The following PPP1R12A variants were observed in gnomAD, a reference collection of about 807,000 sequenced individuals.
PPP1R12A encodes the protein protein phosphatase 1 regulatory subunit 12A.
PPP1R12A carries 19 observed loss-of-function variants against 139.6 expected under a neutral mutation model. The ratio of observed to expected loss-of-function variants is 0.14; its 90% confidence interval spans 0.09 to 0.20. The LOEUF (loss-of-function observed/expected upper bound fraction) is 0.20, where lower values mean the gene tolerates loss of function less well. Ranked by LOEUF, PPP1R12A falls within the 10% of genes least tolerant of loss-of-function variation. PPP1R12A has a pLI of 1.00. For synonymous variants in PPP1R12A, 427 were observed against 420.6 expected (o/e 1.02, Z -0.19); for missense variants, 925 against 1,211.5 (o/e 0.76, Z 3.51).
intron 1 of PPP1R12A, among the ~76,000 whole-genome samples, chr12:79,920,585 T>C (rs368804919): frequency 6.6e-6 from 1 of 152,168 alleles, no homozygotes; most frequent in Non-Finnish European, 1.5e-5. Context: ...GCTGGGGACT[T>C]TGGGAGGTGA....
intron 1 of PPP1R12A, among the ~76,000 whole-genome samples, chr12:79,918,419 TTGAC>T (rs1365187367): frequency 6.6e-6 from 1 of 152,220 alleles, no homozygotes; most frequent in Non-Finnish European, 1.5e-5. Flanking sequence ...TCTTGTTTAC[TTGAC>T]TGTCTCCTCC....
At chr12:79,795,589 G>A (rs763115140) in intron 18 of PPP1R12A, 49 bp downstream of exon 18, 1 of 1,544,746 alleles carries the variant, frequency 6.5e-7, no homozygotes, top group Non-Finnish European at 8.8e-7. Flanking sequence ...GACACATTAA[G>A]AATACTATCA....
In PPP1R12A at chr12:79,793,793, TA is replaced by T; in HGVS notation, c.2649+69del. 2.4e-6 allele frequency: 3 copies of T among 1,240,204 alleles called. No homozygotes were observed. In the South Asian group the frequency reaches 4.0e-5, roughly 16 times the overall value. The allele number at this position is 1,240,204 out of a possible 1,614,324, so 76.8% of individuals were successfully genotyped here. A position where few individuals can be genotyped will look rare whatever the true frequency, so the allele number is the denominator to read the frequency against. On this transcript the variant is annotated intron_variant, in intron 19 of 24. Transcript: ENST00000450142. ...AACTGCTTTGCATGAATAAACATAATAAAACGCAATTTAAAAGTAATTATTA... is the reference window on the plus strand; with the variant it reads ...AACTGCTTTGCATGAATAAACATAATAAACGCAATTTAAAAGTAATTATTA...
intron 3 of PPP1R12A, among the ~76,000 whole-genome samples, chr12:79,845,092 T>G (rs768449775): frequency 5.3e-5 from 8 of 152,234 alleles, no homozygotes; most frequent in Admixed American, 2.6e-4. Flanking sequence ...ATCCTGCTGC[T>G]TCTAACATTT....
chr12:79,865,669 C>A (rs983076822), intron 2 of PPP1R12A, among the ~76,000 whole-genome samples: 2 of 152,134 alleles, frequency 1.3e-5, no homozygotes, highest in African/African-American at 4.8e-5. Flanking sequence ...TCCCTATACA[C>A]CAAAACAGAC....
At position 79,821,075 on chromosome 12, in the gene PPP1R12A, C is replaced by T; in HGVS notation, c.956+3G>A. On this transcript the variant is annotated splice_donor_region_variant and intron_variant, in intron 7 of 24. Transcript: ENST00000450142. ...AACAAATGTACTTGAATATTTTACTCACTTTTTAAAGGTCTTCTGTGACTG... is the reference window on the plus strand; with the variant it reads ...AACAAATGTACTTGAATATTTTACTTACTTTTTAAAGGTCTTCTGTGACTG... 1 of 1,606,788 alleles carries T rather than the reference C, an allele frequency of 6.2e-7. No homozygotes were observed. The highest frequency in any genetic ancestry group is 8.5e-7 in the Non-Finnish European group (1 of 1,174,520).
At chr12:79,826,618 G>A (rs1876809339) in intron 5 of PPP1R12A, among the ~76,000 whole-genome samples, 1 of 152,044 alleles carries the variant, frequency 6.6e-6, no homozygotes, top group South Asian at 2.1e-4. Flanking sequence ...TTTAAAAAAG[G>A]ATATAAGGCA....
At chr12:79,863,871 C>T (rs985596972) in intron 2 of PPP1R12A, among the ~76,000 whole-genome samples, 20 of 152,112 alleles carry the variant, frequency 1.3e-4, no homozygotes, top group African/African-American at 4.8e-4. Context: ...GAGACTTAGA[C>T]TTCCACACAA....
intron 5 of PPP1R12A, among the ~76,000 whole-genome samples, chr12:79,826,015 A>G (rs1876712491): frequency 6.6e-6 from 1 of 152,072 alleles, no homozygotes; most frequent in African/African-American, 2.4e-5. Flanking sequence ...GTAGCTCCTC[A>G]CTATAAAAAG....
intron 1 of PPP1R12A, among the ~76,000 whole-genome samples, chr12:79,919,184 T>C (rs1016690633): frequency 2.0e-5 from 3 of 152,060 alleles, no homozygotes; most frequent in African/African-American, 7.2e-5. Flanking sequence ...TCTGAAATAG[T>C]TTCCCATAAT....
At chr12:79,924,295 G>C (rs2136954866) in intron 1 of PPP1R12A, among the ~76,000 whole-genome samples, 1 of 152,224 alleles carries the variant, frequency 6.6e-6, no homozygotes, top group South Asian at 2.1e-4. Flanking sequence ...CCATGTACTT[G>C]GAAGGAATAC....
intron 2 of PPP1R12A, among the ~76,000 whole-genome samples, chr12:79,847,698 G>A (rs188043398): frequency 6.6e-6 from 1 of 152,204 alleles, no homozygotes; most frequent in African/African-American, 2.4e-5. Context: ...TAAATGTAAA[G>A]CTGTGGTAGG....
intron 10 of PPP1R12A, 138 bp downstream of exon 10, chr12:79,809,657 T>C: frequency 1.5e-6 from 1 of 647,214 alleles, no homozygotes; most frequent in Non-Finnish European, 2.6e-6. Flanking sequence ...AAATTACATT[T>C]GTCTTATGTA....
intron 1 of PPP1R12A, among the ~76,000 whole-genome samples, chr12:79,900,116 T>C (rs1026976789): frequency 5.3e-5 from 8 of 152,212 alleles, no homozygotes; most frequent in Admixed American, 4.6e-4. Context: ...ACAACTTTCA[T>C]TCAATTGTTT....
At chr12:79,883,647 G>A (rs1883851035) in intron 1 of PPP1R12A, among the ~76,000 whole-genome samples, 1 of 152,110 alleles carries the variant, frequency 6.6e-6, no homozygotes, top group Non-Finnish European at 1.5e-5. Flanking sequence ...CTGGAGCTGT[G>A]AAAATAAATG....
At chr12:79,823,982 ACTTGCCTTTT>A (rs1345378043) in intron 5 of PPP1R12A, 2 of 152,350 alleles carry the variant, frequency 1.3e-5, no homozygotes, top group East Asian at 3.9e-4. Context: ...TACTTATCAT[ACTTGCCTTTT>A]CTTGCTAGAA....
intron 15 of PPP1R12A, 96 bp downstream of exon 15, chr12:79,798,398 G>T: frequency 1.3e-6 from 1 of 759,562 alleles, no homozygotes; most frequent in Non-Finnish European, 2.0e-6. Context: ...ACAACAAAGT[G>T]AAAAAGAGAA....
intron 1 of PPP1R12A, among the ~76,000 whole-genome samples, chr12:79,909,110 T>C (rs1304157037): frequency 6.6e-6 from 1 of 152,174 alleles, no homozygotes; most frequent in Non-Finnish European, 1.5e-5. Flanking sequence ...GTGAGAACAC[T>C]GTTCAGTCAA....
chr12:79,893,144 A>C (rs1422926413), intron 1 of PPP1R12A, among the ~76,000 whole-genome samples: 1 of 151,806 alleles, frequency 6.6e-6, no homozygotes, highest in Non-Finnish European at 1.5e-5. Flanking sequence ...GTAATTTAGG[A>C]CTTTTAACTT....
Sources: allele counts gnomAD v4.1 joint callset (sites outside exome capture counted in the v4.1 genomes callset), GRCh38; gene constraint gnomAD v4.1.1; transcripts MANE v1.5; gene names NCBI Gene and HGNC (gene_info 2026-07-23, HGNC 2026-07-21).